CAP2: variants seen among roughly 807,000 people sequenced by gnomAD.
CAP2 encodes the protein cyclase associated actin cytoskeleton regulatory protein 2.
CAP2 carries 24 observed loss-of-function variants against 57.7 expected under a neutral mutation model. The ratio of observed to expected loss-of-function variants is 0.42; its 90% CI spans 0.30 to 0.58. The LOEUF (loss-of-function observed/expected upper bound fraction) is 0.58, where lower values mean the gene tolerates loss of function less well. CAP2 is among the 20% of genes least tolerant of loss of function. The pLI is 0.22. For synonymous variants in CAP2, 194 were observed against 207.2 expected (o/e 0.94, Z 0.55); for missense variants, 501 against 590.3 (o/e 0.85, Z 1.57).
intron 1 of CAP2, among the ~76,000 whole-genome samples, chr6:17,404,463 G>T (rs1205505827): frequency 6.6e-6 from 1 of 152,140 alleles, no homozygotes; most frequent in African/African-American, 2.4e-5. Flanking sequence ...AAAATAGCTG[G>T]GCGTGGTGGC....
intron 1 of CAP2, 110 bp from the exon 2 acceptor site, chr6:17,421,445 C>G: frequency 4.8e-6 from 5 of 1,033,984 alleles, no homozygotes; most frequent in Non-Finnish European, 7.5e-6. Flanking sequence ...AAAATAAAGC[C>G]ATCCCCAGTG....
chr6:17,402,775 G>T (rs1483905583), intron 1 of CAP2, among the ~76,000 whole-genome samples: 5 of 152,136 alleles, frequency 3.3e-5, no homozygotes, highest in Non-Finnish European at 7.4e-5. Flanking sequence ...TTTACTATCA[G>T]TTTTCTGCAA....
At chr6:17,484,878 G>C (rs1371054668) in intron 4 of CAP2, among the ~76,000 whole-genome samples, 1 of 152,188 alleles carries the variant, frequency 6.6e-6, no homozygotes, top group Non-Finnish European at 1.5e-5. Context: ...TCCTCGTCCT[G>C]TTGCTTCTCT....
chr6:17,526,793 A>G (rs2113682164), intron 7 of CAP2, among the ~76,000 whole-genome samples: 1 of 151,964 alleles, frequency 6.6e-6, no homozygotes, highest in South Asian at 2.1e-4. Context: ...CCCCGTCTCT[A>G]CTAAAAATAC....
chr6:17,435,929 T>C (rs1759868136), intron 3 of CAP2, among the ~76,000 whole-genome samples: 1 of 152,120 alleles, frequency 6.6e-6, no homozygotes, highest in Non-Finnish European at 1.5e-5. Context: ...TATACAAGTA[T>C]ATCTGAGGAT....
chr6:17,401,629 A>G (rs1758818734), intron 1 of CAP2, among the ~76,000 whole-genome samples: 1 of 152,230 alleles, frequency 6.6e-6, no homozygotes, highest in South Asian at 2.1e-4. Context: ...GGTAGGCTAA[A>G]TGCAGATAGT....
chr6:17,397,914 A>G (rs1332694879), intron 1 of CAP2, among the ~76,000 whole-genome samples: 1 of 149,978 alleles, frequency 6.7e-6, no homozygotes, highest in African/African-American at 2.5e-5. Flanking sequence ...TGTGCCATGT[A>G]TTTTAATGGG....
At chr6:17,397,791 T>C (rs562170768) in intron 1 of CAP2, among the ~76,000 whole-genome samples, 77 of 152,264 alleles carry the variant, frequency 5.1e-4, no homozygotes, top group African/African-American at 1.8e-3. Context: ...TCACCATTCT[T>C]GTTGACAGGC....
At chr6:17,420,470 G>A (rs1233307556) in intron 1 of CAP2, among the ~76,000 whole-genome samples, 2 of 152,208 alleles carry the variant, frequency 1.3e-5, no homozygotes, top group Non-Finnish European at 2.9e-5. Flanking sequence ...CTCTTTGCCT[G>A]CTAAATGATG....
intron 7 of CAP2, among the ~76,000 whole-genome samples, chr6:17,517,580 C>CT (rs1361335768): frequency 2.6e-5 from 4 of 152,128 alleles, no homozygotes; most frequent in African/African-American, 4.8e-5. Context: ...CATGACCCCA[C>CT]TAGTGAGTCA....
chr6:17,469,627 A>G (rs1212662083), intron 4 of CAP2, among the ~76,000 whole-genome samples: 1 of 152,004 alleles, frequency 6.6e-6, no homozygotes, highest in Non-Finnish European at 1.5e-5. Flanking sequence ...CGTTTCTACT[A>G]TCCTCCCTCT....
At chr6:17,521,211 G>A (rs1030763215) in intron 7 of CAP2, among the ~76,000 whole-genome samples, 1 of 151,952 alleles carries the variant, frequency 6.6e-6, no homozygotes, top group Non-Finnish European at 1.5e-5. Flanking sequence ...TCAGGAGATC[G>A]AGACCATCCT....
chr6:17,418,245 G>C (rs970001854), intron 1 of CAP2, among the ~76,000 whole-genome samples: 1 of 152,170 alleles, frequency 6.6e-6, no homozygotes, highest in Non-Finnish European at 1.5e-5. Context: ...TCCTGGTATA[G>C]TCTTTCTTTT....
chr6:17,433,895 T>C (rs538324445), intron 3 of CAP2, among the ~76,000 whole-genome samples: 59 of 152,256 alleles, frequency 3.9e-4, no homozygotes, highest in African/African-American at 1.4e-3. Flanking sequence ...CTCATCTATC[T>C]CACTAAACAT....
intron 1 of CAP2, among the ~76,000 whole-genome samples, 184 bp from the exon 2 acceptor site, chr6:17,421,371 C>T (rs1759440989): frequency 6.6e-6 from 1 of 152,132 alleles, no homozygotes; most frequent in African/African-American, 2.4e-5. Flanking sequence ...CACTTGTACC[C>T]ACCCCCAAAA....
intron 4 of CAP2, 146 bp from the exon 5 acceptor site, chr6:17,507,023 G>A (rs1762004629): frequency 1.4e-5 from 11 of 768,330 alleles, no homozygotes; most frequent in Middle Eastern, 2.8e-4. Context: ...ACAAATGCAT[G>A]CTGTTCTCAA....
chr6:17,508,613 G>C (rs1239942382), intron 6 of CAP2, among the ~76,000 whole-genome samples: 1 of 152,164 alleles, frequency 6.6e-6, no homozygotes, highest in Non-Finnish European at 1.5e-5. Context: ...CTCCCTCTGA[G>C]CTCTTAGATG....
intron 4 of CAP2, among the ~76,000 whole-genome samples, chr6:17,474,185 C>CTTTTTTTTTTTTTTTTTTTTTTTTTTTTT: frequency 1.1e-5 from 1 of 93,208 alleles, no homozygotes; most frequent in Non-Finnish European, 2.0e-5. Flanking sequence ...AAAAAACAGT[C>CTTTTTTTTTTTTTTTTTTTTTTTTTTTTT]TTTTTTTTTT....
In CAP2 at chr6:17,541,068, C is replaced by G. The variant is rs769274106; in HGVS notation, c.922C>G (p.Pro308Ala). ...TCAATCTCCCACCAAAAGTCACACT[C>G]CAAGTCCCACATCTCCTAAATCTTA... ...QTQSPTKSHT[P>A]SPTSPKSYPS... Residue 308 changes from proline (P) to alanine (A), a missense_variant, in exon 9 of 13, where the codon CCA becomes GCA. Physicochemically the swap from Pro to Ala is conservative, Grantham distance 27. Coordinates refer to ENST00000229922, the MANE Select transcript of CAP2 (RefSeq NM_006366.3). 6.2e-7 allele frequency: 1 copy of G among 1,614,118 alleles called. No homozygotes were observed. Among genetic ancestry groups the G allele is most frequent in the Admixed American group, 1.7e-5 (1 of 60,006 alleles).
Sources: gnomAD v4.1 joint callset for allele counts (sites outside exome capture counted in the v4.1 genomes callset) on GRCh38, gnomAD v4.1.1 for gene constraint, MANE v1.5 for transcripts, NCBI Gene and HGNC (gene_info 2026-07-23, HGNC 2026-07-21) for gene names.